GMPS: variants seen among roughly 807,000 people sequenced by gnomAD.
GMPS encodes GMP synthase [glutamine-hydrolyzing].
A neutral mutation model predicts 77.9 loss-of-function variants in GMPS; 15 were observed. The observed-to-expected ratio is 0.19, with a 90% confidence interval of 0.13 to 0.30. The LOEUF (loss-of-function observed/expected upper bound fraction) is 0.30. GMPS is among the 10% of genes least tolerant of loss of function. The pLI, the probability that GMPS is intolerant of heterozygous loss-of-function variation, is 1.00. For missense variants in GMPS, 590 were observed against 838.8 expected, an observed-to-expected ratio of 0.70 and a Z score of 3.66; for synonymous variants, 224 against 275.9, an observed-to-expected ratio of 0.81 and a Z score of 1.86.
rs1168764422 is a variant in GMPS at position 155,892,999 on chromosome 3, C to CA, written c.28-511dup. Among the ~76,000 whole-genome samples, 8 of 152,032 alleles carry CA rather than the reference C, an allele frequency of 5.3e-5. No individual in the cohort carries two copies. In the East Asian group the frequency reaches 9.7e-4, roughly 18 times the overall value. On this transcript the variant is annotated intron_variant, in intron 1 of 15. Coordinates refer to ENST00000496455, the MANE Select transcript of GMPS (RefSeq NM_003875.3). ...TATATATCATTTTCCTCAGATAATACAAAAAAAATCCTAACAGTGAATTTG... is the reference window on the plus strand; with the variant it reads ...TATATATCATTTTCCTCAGATAATACAAAAAAAAATCCTAACAGTGAATTTG...
At chr3:155,928,612 T>C (rs1289498459) in intron 12 of GMPS, among the ~76,000 whole-genome samples, 1 of 151,416 alleles carries the variant, frequency 6.6e-6, no homozygotes, top group East Asian at 1.9e-4. Context: ...TGTATACATG[T>C]GCCATGCTGG....
chr3:155,882,703 T>C (rs1416479364), intron 1 of GMPS, among the ~76,000 whole-genome samples: 1 of 152,210 alleles, frequency 6.6e-6, no homozygotes, highest in Non-Finnish European at 1.5e-5. Context: ...ATAAAATTAC[T>C]TTGTCAACTT....
intron 12 of GMPS, among the ~76,000 whole-genome samples, chr3:155,928,597 A>G (rs1025918731): frequency 5.3e-5 from 8 of 151,342 alleles, no homozygotes; most frequent in Non-Finnish European, 8.8e-5. Flanking sequence ...CAGGTTAGTT[A>G]CATATGTATA....
At position 155,873,740 on chromosome 3, in the gene GMPS, T is replaced by C. The variant is rs1289921561; in HGVS notation, c.27+2843T>C. 2.7e-5 allele frequency among the ~76,000 whole-genome samples: 4 copies of C among 147,946 alleles called. No homozygotes were observed. The East Asian group carries it at 6.1e-4, about 23-fold the overall frequency. On this transcript the variant is annotated intron_variant, in intron 1 of 15. Coordinates refer to ENST00000496455, the MANE Select transcript of GMPS (RefSeq NM_003875.3). ...AGCTCTGCCTCCTAGGTTCACGCAG[T>C]TCTCCTGCCTCAGCCTCCCAAGTAG...
intron 12 of GMPS, among the ~76,000 whole-genome samples, chr3:155,931,181 T>C (rs982360564): frequency 6.6e-6 from 1 of 151,822 alleles, no homozygotes; most frequent in Non-Finnish European, 1.5e-5. Flanking sequence ...AATGGGAATG[T>C]TGAATACTTT....
At chr3:155,931,344 C>G (rs1194404260) in intron 12 of GMPS, among the ~76,000 whole-genome samples, 1 of 151,894 alleles carries the variant, frequency 6.6e-6, no homozygotes, top group Non-Finnish European at 1.5e-5. Flanking sequence ...TGCCACCATG[C>G]CTGGCTAATT....
chr3:155,911,445 AT>A (rs1755035604), intron 7 of GMPS, among the ~76,000 whole-genome samples, 166 bp downstream of exon 7: 1 of 152,232 alleles, frequency 6.6e-6, no homozygotes, highest in Admixed American at 6.5e-5. Flanking sequence ...CTCAGTATAA[AT>A]TTTTAAACTA....
At chr3:155,923,137 CATA>C (rs1755358502) in intron 11 of GMPS, among the ~76,000 whole-genome samples, 1 of 151,938 alleles carries the variant, frequency 6.6e-6, no homozygotes, top group Non-Finnish European at 1.5e-5. Flanking sequence ...ATAAGCTATT[CATA>C]ATAAGAATAA....
intron 15 of GMPS, among the ~76,000 whole-genome samples, chr3:155,937,338 T>C (rs1415899332): frequency 6.6e-6 from 1 of 152,234 alleles, no homozygotes; most frequent in Non-Finnish European, 1.5e-5. Flanking sequence ...ACTTGCAGAC[T>C]AGCACCTGTT....
In GMPS at chr3:155,910,682, C is replaced by A; in HGVS notation, c.527-10C>A. ...AAAAATTTTAATTTGTGACTATTTTCTCTATAAAGGCATAGCAAATGAATC... is the reference window on the plus strand; with the variant it reads ...AAAAATTTTAATTTGTGACTATTTTATCTATAAAGGCATAGCAAATGAATC... On this transcript the variant is annotated splice_polypyrimidine_tract_variant and intron_variant, in intron 5 of 15. Coordinates refer to ENST00000496455, the MANE Select transcript of GMPS (RefSeq NM_003875.3). 1 of 1,414,796 alleles carries A rather than the reference C, an allele frequency of 7.1e-7. No individual in the cohort carries two copies. Among genetic ancestry groups the A allele is most frequent in the Non-Finnish European group, 9.5e-7 (1 of 1,057,102 alleles). 87.6% of individuals were successfully genotyped at this position (1,414,796 alleles called of 1,614,324 possible). A position where few individuals can be genotyped will look rare whatever the true frequency, so the allele number is the denominator to read the frequency against.
intron 7 of GMPS, among the ~76,000 whole-genome samples, chr3:155,913,456 C>T (rs1288576903): frequency 6.6e-6 from 1 of 151,910 alleles, no homozygotes; most frequent in African/African-American, 2.4e-5. Context: ...TGGGGCTAAG[C>T]TTCTTGCTGT....
intron 4 of GMPS, among the ~76,000 whole-genome samples, chr3:155,904,257 CTT>C (rs1313449674): frequency 3.3e-5 from 5 of 151,338 alleles, no homozygotes. Context: ...CCTTTTCACT[CTT>C]TGATCTGTTT....
chr3:155,882,780 G>A, intron 1 of GMPS, among the ~76,000 whole-genome samples: 1 of 152,178 alleles, frequency 6.6e-6, no homozygotes, highest in South Asian at 2.1e-4. Flanking sequence ...ACTGGTAACA[G>A]TTTGCTTAAA....
Position 155,893,570 on chromosome 3 carries a change from C to A in GMPS, c.80C>A (p.Ala27Asp). The change falls in exon 2 of 16, where the codon GCT (alanine) becomes GAT (aspartate). Residue 27 changes from alanine (A) to aspartate (D), a missense_variant. Physicochemically the swap from Ala to Asp is moderately radical, Grantham distance 126. Around this residue, in one of 6 missense-constraint regions of GMPS, gnomAD observed 47 missense variants for 45.5 expected, o/e 1.03. Transcript: ENST00000496455. ...LKDGHHHYEG[A>D]VVILDAGAQY... ...GATGGCCACCACCACTATGAAGGAG[C>A]TGTTGTCATTCTGGATGCTGGTGCT... The A allele has an allele frequency of 6.2e-7, 1 of 1,612,390 alleles. No individual in the cohort carries two copies. The highest frequency in any genetic ancestry group is 8.5e-7 in the Non-Finnish European group (1 of 1,178,598).
chr3:155,899,055 A>G (rs1330397645), intron 3 of GMPS, among the ~76,000 whole-genome samples: 2 of 150,344 alleles, frequency 1.3e-5, no homozygotes, highest in African/African-American at 4.9e-5. Flanking sequence ...ACATGGGGAA[A>G]CCCTGTCTCT....
At chr3:155,937,248 A>G (rs1255668411) in intron 15 of GMPS, among the ~76,000 whole-genome samples, 1 of 152,256 alleles carries the variant, frequency 6.6e-6, no homozygotes, top group Non-Finnish European at 1.5e-5. Context: ...GCTGAAACAC[A>G]TAAAATCACA....
At chr3:155,937,447 T>C in intron 15 of GMPS, 144 bp from the exon 16 acceptor site, 2 of 601,760 alleles carry the variant, frequency 3.3e-6, no homozygotes, top group Non-Finnish European at 6.0e-6. Flanking sequence ...GTTCATTATA[T>C]AAGATTAATC....
At chr3:155,881,713 A>G (rs2108055201) in intron 1 of GMPS, among the ~76,000 whole-genome samples, 1 of 152,284 alleles carries the variant, frequency 6.6e-6, no homozygotes, top group South Asian at 2.1e-4. Flanking sequence ...TCCTGAGACT[A>G]GTACACTCAT....
At chr3:155,925,802 G>A (rs1338176551) in intron 12 of GMPS, among the ~76,000 whole-genome samples, 1 of 152,080 alleles carries the variant, frequency 6.6e-6, no homozygotes, top group African/African-American at 2.4e-5. Flanking sequence ...GGTTTTAGAA[G>A]TCTTTAACTG....
Sources: gnomAD v4.1 joint callset for allele counts (sites outside exome capture counted in the v4.1 genomes callset) on GRCh38, gnomAD v4.1.1 for gene constraint, gnomAD v4.1.1 regional missense constraint, MANE v1.5 for transcripts, NCBI Gene and HGNC (gene_info 2026-07-23, HGNC 2026-07-21) for gene names.